SESTD1: variants seen among roughly 807,000 people sequenced by gnomAD.
SESTD1 encodes SEC14 domain and spectrin repeat-containing protein 1.
Under a neutral mutation model 101.7 loss-of-function variants are expected in SESTD1, and 43 were observed. That is an observed-to-expected ratio of 0.42 (90% CI 0.33 to 0.55). The LOEUF is 0.55. Ranked by LOEUF, SESTD1 falls within the 20% of genes least tolerant of loss-of-function variation. SESTD1 has a pLI of 0.07. For missense variants in SESTD1, 647 were observed against 815.1 expected (o/e 0.79, Z 2.51); for synonymous variants, 283 against 286.8 (o/e 0.99, Z 0.13).
At position 179,109,987 on chromosome 2, in the gene SESTD1, G is replaced by A. The variant is rs367588464; in HGVS notation, c.2003C>T (p.Thr668Ile). ...YFGSPSDMAS[T>I]AENIRDRMKL... ...CATCCTGTCTCTGATGTTTTCTGCA[G>A]TAGAAGCCATGTCACTTGGACTCCC... is the stretch of plus-strand genomic sequence containing the variant. The change falls in exon 18 of 18, where the codon ACT becomes ATT. Residue 668 changes from threonine to isoleucine, a missense_variant. Transcript: ENST00000428443. 7 of 1,613,768 alleles carry A rather than the reference G, an allele frequency of 4.3e-6. No individual in the cohort carries two copies. In the African/African-American group the frequency reaches 9.4e-5, roughly 22 times the overall value.
At chr2:179,185,813 ATATAG>A (rs1163764682) in intron 2 of SESTD1, among the ~76,000 whole-genome samples, 1 of 131,270 alleles carries the variant, frequency 7.6e-6, no homozygotes, top group Non-Finnish European at 1.5e-5. Context: ...AGCATATACA[ATATAG>A]TATATTATAT....
At position 179,109,454 on chromosome 2, in the gene SESTD1, A is replaced by T; in HGVS notation, c.*445T>A. 2.8e-6 allele frequency: 1 copy of T among 357,510 alleles called. No individual in the cohort carries two copies. Among genetic ancestry groups the T allele is most frequent in the Non-Finnish European group, 5.0e-6 (1 of 200,516 alleles). The allele number at this position is 357,510 out of a possible 1,614,324, so 22.1% of individuals were successfully genotyped here. On this transcript the variant is annotated 3_prime_UTR_variant, in exon 18 of 18. Transcript: ENST00000428443. The stretch of plus-strand genomic sequence containing the variant: ...CAATAAAAATAATCAATTCTGAAGA[A>T]TTACAAAGTAAAATTTTGAGGACAC...
chr2:179,179,014 C>T (rs1421744089), intron 3 of SESTD1, among the ~76,000 whole-genome samples: 1 of 152,164 alleles, frequency 6.6e-6, no homozygotes, highest in Non-Finnish European at 1.5e-5. Context: ...AACTCTGTCA[C>T]ATTCTCACAT....
At chr2:179,219,410 T>C (rs1437176510) in intron 1 of SESTD1, among the ~76,000 whole-genome samples, 2 of 152,208 alleles carry the variant, frequency 1.3e-5, no homozygotes, top group Non-Finnish European at 2.9e-5. Flanking sequence ...AGCGTAGGGG[T>C]AACTAAATCA....
rs147276383 is a variant in SESTD1 at position 179,121,862 on chromosome 2, G to C, written c.1350C>G (p.Ser450=). 5.6e-4 allele frequency: 909 copies of C among 1,609,640 alleles called. 8 individuals are homozygous for C. The African/African-American group carries it at 1.0e-2, about 18-fold the overall frequency. ...GLLDQISNQA[S]WAYGKDVTIE... ...TGGTTACATCCTTTCCATAGGCCCAGGATGCCTGATTGGAGATCTGATCCA... is the reference window on the plus strand; with the variant it reads ...TGGTTACATCCTTTCCATAGGCCCACGATGCCTGATTGGAGATCTGATCCA... Residue 450 remains serine, a synonymous_variant, in exon 13 of 18, where the codon TCC becomes TCG. Transcript: ENST00000428443.
In SESTD1 at chr2:179,112,851, A is replaced by G; in HGVS notation, c.1840-6T>C. On this transcript the variant is annotated splice_region_variant and splice_polypyrimidine_tract_variant and intron_variant, in intron 16 of 17. Transcript: ENST00000428443. ...TCTGGACAGTCCTGCAAAATCTGCA[A>G]CAAATAAAAGAGCAACATCAATCAA... 6.2e-7 allele frequency: 1 copy of G among 1,606,814 alleles called. No individual in the cohort carries two copies. Among genetic ancestry groups the G allele is most frequent in the Non-Finnish European group, 8.5e-7 (1 of 1,178,860 alleles).
At position 179,109,965 on chromosome 2, in the gene SESTD1, C is replaced by T; in HGVS notation, c.2025G>A (p.Arg675=). ...GCCTTTTGAGATTAACTAGTTTCAT[C>T]CTGTCTCTGATGTTTTCTGCAGTAG... ...MASTAENIRD[R]MKLVNLKRQQ... Residue 675 remains arginine, a synonymous_variant, in exon 18 of 18, where the codon AGG becomes AGA. Transcript: ENST00000428443. The T allele has an allele frequency of 6.2e-7, 1 of 1,613,890 alleles. No individual in the cohort carries two copies. The highest frequency in any genetic ancestry group is 1.1e-5 in the South Asian group (1 of 91,062).
chr2:179,253,545 GA>G (rs1376780908), intron 1 of SESTD1, among the ~76,000 whole-genome samples: 2 of 152,098 alleles, frequency 1.3e-5, no homozygotes, highest in African/African-American at 4.8e-5. Flanking sequence ...TTTAAAAATA[GA>G]AAAGATGAAA....
chr2:179,125,743 A>G (rs1008236221), intron 10 of SESTD1, among the ~76,000 whole-genome samples: 1 of 152,152 alleles, frequency 6.6e-6, no homozygotes, highest in African/African-American at 2.4e-5. Flanking sequence ...ATGATCATTT[A>G]TGTTTTTTTC....
chr2:179,141,548 T>C (rs1042899227), intron 9 of SESTD1, among the ~76,000 whole-genome samples: 1 of 151,960 alleles, frequency 6.6e-6, no homozygotes, highest in Non-Finnish European at 1.5e-5. Flanking sequence ...ATGTTATTAA[T>C]AGAAGACTCA....
intron 1 of SESTD1, among the ~76,000 whole-genome samples, chr2:179,199,755 A>G (rs1018175122): frequency 1.3e-5 from 2 of 152,142 alleles, no homozygotes; most frequent in African/African-American, 4.8e-5. Context: ...AAATTCAACA[A>G]CCCTTCATGC....
intron 2 of SESTD1, among the ~76,000 whole-genome samples, chr2:179,187,854 A>C: frequency 6.6e-6 from 1 of 152,226 alleles, no homozygotes; most frequent in East Asian, 1.9e-4. Flanking sequence ...CATAATAATA[A>C]AGGGTTCAAT....
intron 10 of SESTD1, 158 bp downstream of exon 10, chr2:179,132,146 A>T (rs764273902): frequency 2.6e-6 from 2 of 755,234 alleles, no homozygotes; most frequent in Non-Finnish European, 3.8e-6. Flanking sequence ...ACATGTACTA[A>T]GTAATCAAAA....
At position 179,172,148 on chromosome 2, in the gene SESTD1, C is replaced by G; in HGVS notation, c.341G>C (p.Trp114Ser). Reference sequence around the variant, plus strand: ...AAAGCCAAGTCTATCCTTCTCCTTCCAAAAACAAAAATGCGTTACTTTCTT... The same window carrying G: ...AAAGCCAAGTCTATCCTTCTCCTTCGAAAAACAAAAATGCGTTACTTTCTT... ...WDKKVTHFCFWKEKDRLGFEV... is the reference protein window; with the variant it reads ...WDKKVTHFCFSKEKDRLGFEV... The change falls in exon 5 of 18, where the codon TGG (tryptophan) becomes TCG (serine). Residue 114 changes from tryptophan (W) to serine (S), a missense_variant. Trp to Ser is a radical substitution (Grantham distance 177). Around this residue, in one of 3 missense-constraint regions of SESTD1, gnomAD observed 168 missense variants for 235.1 expected, o/e 0.71. Coordinates refer to ENST00000428443, the MANE Select transcript of SESTD1 (RefSeq NM_178123.5). 6.2e-7 allele frequency: 1 copy of G among 1,609,398 alleles called. No individual in the cohort carries two copies. The highest frequency in any genetic ancestry group is 8.5e-7 in the Non-Finnish European group (1 of 1,177,078).
rs1456190997 is a variant in SESTD1, at chr2:179,104,846, G to C, written c.*5053C>G. ...TTTCAAAATATTTCATCATAGTTCTGGCTGTCTTTTGATCTCTAAGTTCTT... is the reference window on the plus strand; with the variant it reads ...TTTCAAAATATTTCATCATAGTTCTCGCTGTCTTTTGATCTCTAAGTTCTT... On this transcript the variant is annotated 3_prime_UTR_variant, in exon 18 of 18. Transcript: ENST00000428443. 3 of 151,950 alleles carry C rather than the reference G, an allele frequency of 2.0e-5. No homozygotes were observed. Among genetic ancestry groups the C allele is most frequent in the Non-Finnish European group, 4.4e-5 (3 of 67,974 alleles). The allele number at this position is 151,950 out of a possible 1,614,324, so 9.4% of individuals were successfully genotyped here.
chr2:179,113,417 T>G (rs2044556005), intron 16 of SESTD1, among the ~76,000 whole-genome samples: 1 of 152,204 alleles, frequency 6.6e-6, no homozygotes, highest in Non-Finnish European at 1.5e-5. Flanking sequence ...ATGATTAGGT[T>G]ATAATTCAAA....
intron 15 of SESTD1, chr2:179,116,460 T>A: frequency 1.5e-6 from 1 of 667,114 alleles, no homozygotes; most frequent in Non-Finnish European, 2.6e-6. Flanking sequence ...AGAGGGACCA[T>A]GCAGAACATG....
At position 179,176,054 on chromosome 2, in the gene SESTD1, C is replaced by T. The variant is rs140591161; in HGVS notation, c.255+394G>A. ...ACCTGAGAAGTTTCTTCAAACTACA[C>T]TTAACCAATCCTACCACCCACCTAT... On this transcript the variant is annotated intron_variant, in intron 4 of 17. Coordinates refer to ENST00000428443, the MANE Select transcript of SESTD1 (RefSeq NM_178123.5). 8.7e-4 allele frequency among the ~76,000 whole-genome samples: 132 copies of T among 152,238 alleles called. 2 individuals carry two copies. The highest frequency in any genetic ancestry group is 3.0e-3 in the African/African-American group (123 of 41,554).
chr2:179,126,930 C>T (rs1010865523), intron 10 of SESTD1, among the ~76,000 whole-genome samples: 4 of 152,210 alleles, frequency 2.6e-5, no homozygotes, highest in Non-Finnish European at 2.9e-5. Flanking sequence ...ATGCCTCCAT[C>T]TATCAGCCCC....
Sources: allele counts gnomAD v4.1 joint callset (sites outside exome capture counted in the v4.1 genomes callset), GRCh38; gene constraint gnomAD v4.1.1; regional missense constraint gnomAD v4.1.1; transcripts MANE v1.5; gene names NCBI Gene and HGNC (gene_info 2026-07-23, HGNC 2026-07-21).